ACSL4: variants seen among roughly 807,000 people sequenced by gnomAD.
ACSL4 encodes long-chain-fatty-acid--CoA ligase 4.
ACSL4 carries 9 observed loss-of-function variants against 49.1 expected under a neutral mutation model. The observed-to-expected ratio is 0.18, with a 90% CI of 0.11 to 0.32. ACSL4 has a LOEUF of 0.32. ACSL4 is among the 10% of genes least tolerant of loss of function. The pLI, the probability that ACSL4 is intolerant of heterozygous loss-of-function variation, is 1.00. For synonymous variants in ACSL4, 191 were observed against 170.3 expected (o/e 1.12, Z -0.95); for missense variants, 333 against 493.7 (o/e 0.67, Z 3.08).
chrX:109,660,668 G>A (rs1309743709), intron 14 of ACSL4, among the ~76,000 whole-genome samples: 1 of 111,245 alleles, frequency 9.0e-6, no homozygotes, highest in East Asian at 2.8e-4. Context: ...CAACCAAGAG[G>A]GGGAGGCAAC....
At chrX:109,701,286 G>A (rs974790839) in intron 1 of ACSL4, among the ~76,000 whole-genome samples, 1 of 107,890 alleles carries the variant, frequency 9.3e-6, no homozygotes, top group Non-Finnish European at 1.9e-5. Flanking sequence ...GCATGATCTC[G>A]GCTCACTGCA....
intron 1 of ACSL4, among the ~76,000 whole-genome samples, chrX:109,721,727 G>A (rs1214058598): frequency 1.9e-5 from 2 of 105,344 alleles, no homozygotes; most frequent in African/African-American, 6.9e-5. Flanking sequence ...GTAAGACTCC[G>A]TCAAAAAAAA....
chrX:109,723,068 G>A (rs1461770279), intron 1 of ACSL4, among the ~76,000 whole-genome samples: 2 of 110,812 alleles, frequency 1.8e-5, no homozygotes, highest in South Asian at 3.7e-4. Flanking sequence ...ATACTTCATC[G>A]ATAGCAGAAA....
chrX:109,662,736 C>A (rs1922274164), intron 13 of ACSL4, among the ~76,000 whole-genome samples: 1 of 110,741 alleles, frequency 9.0e-6, no homozygotes, highest in African/African-American at 3.3e-5. Context: ...ATATAAATAG[C>A]CAACAGTAAA....
At chrX:109,672,942 A>G (rs1312739721) in intron 9 of ACSL4, among the ~76,000 whole-genome samples, 1 of 110,858 alleles carries the variant, frequency 9.0e-6, no homozygotes, top group African/African-American at 3.3e-5. Context: ...CTGCCCTCTG[A>G]TCTCTCATGA....
chrX:109,648,519 G>A (rs1363457813), intron 15 of ACSL4, among the ~76,000 whole-genome samples: 4 of 111,055 alleles, frequency 3.6e-5, no homozygotes, highest in South Asian at 3.8e-4. Context: ...TTGATGGGAC[G>A]TATTTCAAAA....
At chrX:109,722,777 C>T (rs1378874213) in intron 1 of ACSL4, among the ~76,000 whole-genome samples, 4 of 110,196 alleles carry the variant, frequency 3.6e-5, no homozygotes, top group African/African-American at 6.6e-5. Flanking sequence ...TTGGCCTTTT[C>T]CCACCAGATG....
chrX:109,655,919 G>T (rs1921607624), intron 15 of ACSL4, among the ~76,000 whole-genome samples: 1 of 111,363 alleles, frequency 9.0e-6, no homozygotes, highest in Non-Finnish European at 1.9e-5. Flanking sequence ...TCTCAAGGGT[G>T]AGGACAGAAT....
chrX:109,721,726 C>T (rs1449873123), intron 1 of ACSL4, among the ~76,000 whole-genome samples: 1 of 105,685 alleles, frequency 9.5e-6, no homozygotes, highest in Non-Finnish European at 1.9e-5. Context: ...AGTAAGACTC[C>T]GTCAAAAAAA....
At chrX:109,654,107 TG>T (rs2147374965) in intron 15 of ACSL4, among the ~76,000 whole-genome samples, 1 of 110,175 alleles carries the variant, frequency 9.1e-6, no homozygotes, top group East Asian at 2.8e-4. Context: ...TTTACAGTGA[TG>T]GGGAAGAAGG....
intron 15 of ACSL4, among the ~76,000 whole-genome samples, chrX:109,655,205 A>T (rs1603400468): frequency 1.8e-5 from 2 of 111,872 alleles, no homozygotes; most frequent in East Asian, 5.6e-4. Context: ...CTCAATGACC[A>T]AGGCAAGCAT....
rs914879643 is a variant in ACSL4, at chrX:109,709,823, G to C, written c.-65-13627C>G. Among the ~76,000 whole-genome samples the C allele has an allele frequency of 1.2e-4, 13 of 112,181 alleles. No individual in the cohort carries two copies. The Admixed American group carries it at 1.2e-3, about 11-fold the overall frequency. ...CAGATAAACTGGTTAAAATGAAGGC[G>C]AGGCCGGGTGCGGTGGCTCACGCCT... On this transcript the variant is annotated intron_variant, in intron 1 of 15. Coordinates refer to ENST00000672401, the MANE Select transcript of ACSL4 (RefSeq NM_001318510.2).
At chrX:109,669,593 A>G (rs750961859) in intron 9 of ACSL4, among the ~76,000 whole-genome samples, 1 of 111,084 alleles carries the variant, frequency 9.0e-6, no homozygotes, top group East Asian at 2.8e-4. Context: ...CAAGGTTTCA[A>G]TGTGTTAGCC....
rs1384618422 is a variant in ACSL4, at chrX:109,652,613, A to G, written c.1855+6741T>C. Among the ~76,000 whole-genome samples the G allele has an allele frequency of 2.7e-5, 3 of 111,674 alleles. No homozygotes were observed. The Admixed American group carries it at 2.9e-4, about 11-fold the overall frequency. On this transcript the variant is annotated intron_variant, in intron 15 of 15. Coordinates refer to ENST00000672401, the MANE Select transcript of ACSL4 (RefSeq NM_001318510.2). ...AATACTATATATTTCTTGAAATACT[A>G]TATTTAAAGAAAATACTATATTTGA... is the stretch of plus-strand genomic sequence containing the variant.
At chrX:109,714,360 TAA>T (rs1431313857) in intron 1 of ACSL4, among the ~76,000 whole-genome samples, 1 of 112,575 alleles carries the variant, frequency 8.9e-6, no homozygotes, top group Admixed American at 9.4e-5. Context: ...CAAAAAAATT[TAA>T]AAGTTTGTAA....
At chrX:109,648,712 T>G (rs1348495813) in intron 15 of ACSL4, among the ~76,000 whole-genome samples, 1 of 107,030 alleles carries the variant, frequency 9.3e-6, no homozygotes, top group Non-Finnish European at 1.9e-5. Context: ...GGGTATTCAA[T>G]TAGGAAAAGA....
intron 15 of ACSL4, among the ~76,000 whole-genome samples, chrX:109,645,730 C>T (rs1474077593): frequency 7.2e-5 from 8 of 111,376 alleles, no homozygotes; most frequent in East Asian, 5.6e-4. Flanking sequence ...CTCCGAGCTA[C>T]GGGAGGACAT....
intron 1 of ACSL4, among the ~76,000 whole-genome samples, chrX:109,696,837 G>A (rs1245948199): frequency 1.8e-5 from 2 of 112,598 alleles, no homozygotes; most frequent in African/African-American, 6.5e-5. Flanking sequence ...GAATCCAGGA[G>A]TTCAAAACCA....
Position 109,665,438 on chromosome X carries a change from G to C in ACSL4, c.1372C>G (p.Leu458Val), listed in dbSNP as rs1922550468. The C allele has an allele frequency of 1.7e-6, 2 of 1,209,903 alleles. No individual in the cohort carries two copies. Among genetic ancestry groups the C allele is most frequent in the East Asian group, 5.9e-5 (2 of 33,790 alleles). The change falls in exon 12 of 16, where the codon CTA (leucine) becomes GTA (valine). Residue 458 changes from leucine to valine, a missense_variant. By Grantham distance (32) the Leu-to-Val change is conservative. This residue lies in a region of ACSL4 where 175 missense variants were observed against 275.8 expected (regional missense o/e 0.63). Coordinates refer to ENST00000672401, the MANE Select transcript of ACSL4 (RefSeq NM_001318510.2). Reference sequence around the variant, plus strand: ...TTCTTACCTTCTTGCCAGTCTTTTAGCTTAATTTCACAGCAAATAAGAGGT... The same window carrying C: ...TTCTTACCTTCTTGCCAGTCTTTTACCTTAATTTCACAGCAAATAAGAGGT... ...GAPLICCEIK[L>V]KDWQEGGYTI...
Sources: allele counts gnomAD v4.1 joint callset (sites outside exome capture counted in the v4.1 genomes callset), GRCh38; gene constraint gnomAD v4.1.1; regional missense constraint gnomAD v4.1.1; transcripts MANE v1.5; gene names NCBI Gene and HGNC (gene_info 2026-07-23, HGNC 2026-07-21).